The following DNAI4 variants were observed in gnomAD, a reference collection of about 807,000 sequenced individuals.
DNAI4 encodes dynein axonemal intermediate chain 4, also known as WD repeat domain 78.
Under a neutral mutation model 105.8 loss-of-function variants are expected in DNAI4, and 85 were observed. That is an observed-to-expected ratio of 0.80 (90% CI 0.67 to 0.96). DNAI4 has a LOEUF of 0.96. Ranked by LOEUF, DNAI4 falls within the 40% of genes least tolerant of loss-of-function variation. The pLI, the probability that DNAI4 is intolerant of heterozygous loss-of-function variation, is 0.00. For missense variants in DNAI4, 1,014 were observed against 1,005.6 expected (o/e 1.01, Z -0.11); for synonymous variants, 352 against 331.5 (o/e 1.06, Z -0.67).
chr1:66,822,621 C>A, intron 15 of DNAI4, 104 bp from the exon 16 acceptor site: 3 of 1,049,768 alleles, frequency 2.9e-6, no homozygotes, highest in Non-Finnish European at 3.9e-6. Context: ...GTAACAAAAA[C>A]CATAAGCCTA....
At chr1:66,870,279 T>A (rs964554839) in intron 6 of DNAI4, among the ~76,000 whole-genome samples, 3 of 150,152 alleles carry the variant, frequency 2.0e-5, no homozygotes, top group African/African-American at 7.4e-5. Context: ...CCATCTCTAC[T>A]AAAAATACAA....
At chr1:66,895,540 A>G (rs767339636) in intron 2 of DNAI4, among the ~76,000 whole-genome samples, 3 of 152,208 alleles carry the variant, frequency 2.0e-5, no homozygotes, top group Non-Finnish European at 4.4e-5. Context: ...TTCAATCCAC[A>G]AATATTCAAC....
At chr1:66,876,969 G>A (rs1275862894) in intron 4 of DNAI4, among the ~76,000 whole-genome samples, 1 of 152,148 alleles carries the variant, frequency 6.6e-6, no homozygotes, top group Non-Finnish European at 1.5e-5. Flanking sequence ...GGGTGGGTAA[G>A]TCTGTCAAAT....
intron 4 of DNAI4, among the ~76,000 whole-genome samples, chr1:66,882,179 TG>T (rs1647087977): frequency 6.6e-6 from 1 of 152,216 alleles, no homozygotes; most frequent in African/African-American, 2.4e-5. Flanking sequence ...TTTTTTTTAC[TG>T]TGAAATTTAT....
At chr1:66,826,651 T>A (rs545159618) in intron 15 of DNAI4, among the ~76,000 whole-genome samples, 169 bp downstream of exon 15, 2 of 152,174 alleles carry the variant, frequency 1.3e-5, no homozygotes, top group Non-Finnish European at 2.9e-5. Context: ...GTATAAATAA[T>A]TGACATTAAT....
intron 4 of DNAI4, among the ~76,000 whole-genome samples, chr1:66,885,992 G>A (rs539059522): frequency 4.4e-4 from 67 of 152,058 alleles, no homozygotes; most frequent in African/African-American, 1.6e-3. Context: ...CATATGTTAC[G>A]CCTTTTGATA....
At chr1:66,836,222 GAGAGAGAGAGAGAAAGAAAGAA>G (rs1646001099) in intron 10 of DNAI4, among the ~76,000 whole-genome samples, 1 of 110,028 alleles carries the variant, frequency 9.1e-6, no homozygotes, top group African/African-American at 3.5e-5. Context: ...GAGAGAGAGA[GAGAGAGAGAGAGAAAGAAAGAA>G]AGAGAGAGAG....
intron 6 of DNAI4, among the ~76,000 whole-genome samples, chr1:66,869,846 A>G (rs138663398): frequency 2.3e-3 from 349 of 152,326 alleles, no homozygotes; most frequent in African/African-American, 8.0e-3. Context: ...CTACTAGAAG[A>G]GGGAAAGCAG....
At chr1:66,884,240 A>G (rs745999565) in intron 4 of DNAI4, among the ~76,000 whole-genome samples, 53 of 152,212 alleles carry the variant, frequency 3.5e-4, no homozygotes, top group Admixed American at 1.6e-3. Context: ...GTTGATGAAC[A>G]TAAGTTGATT....
At chr1:66,879,015 A>G (rs1339682977) in intron 4 of DNAI4, among the ~76,000 whole-genome samples, 4 of 151,968 alleles carry the variant, frequency 2.6e-5, no homozygotes, top group Non-Finnish European at 5.9e-5. Context: ...GGATCCTCGT[A>G]TTTCTTAATT....
At chr1:66,906,769 C>T (rs947339539) in intron 1 of DNAI4, among the ~76,000 whole-genome samples, 3 of 150,644 alleles carry the variant, frequency 2.0e-5, no homozygotes, top group Non-Finnish European at 3.0e-5. Flanking sequence ...TAACCCCCAA[C>T]ATCTCTAAAA....
chr1:66,868,718 T>A (rs1163333413), intron 6 of DNAI4, among the ~76,000 whole-genome samples: 2 of 152,066 alleles, frequency 1.3e-5, no homozygotes, highest in Admixed American at 6.6e-5. Flanking sequence ...ATGGTACTTC[T>A]CAGCCTCCAT....
In DNAI4 at chr1:66,812,980, C is replaced by T. The variant is rs1645447659; in HGVS notation, c.*1150G>A. 2.0e-5 allele frequency: 3 copies of T among 152,252 alleles called. No homozygotes were observed. The highest frequency in any genetic ancestry group is 4.8e-5 in the African/African-American group (2 of 41,430). The allele number at this position is 152,252 out of a possible 1,614,324, so 9.4% of individuals were successfully genotyped here. A position where few individuals can be genotyped will look rare whatever the true frequency, so the allele number is the denominator to read the frequency against. On this transcript the variant is annotated 3_prime_UTR_variant, in exon 17 of 17. Transcript: ENST00000371026. ...ACAAAAACAAAGATAATCACAATGA[C>T]ATACCAGTGGAAAATTTATAATCCT...
intron 14 of DNAI4, 85 bp from the exon 15 acceptor site, chr1:66,827,131 T>A: frequency 8.4e-7 from 1 of 1,184,942 alleles, no homozygotes; most frequent in South Asian, 1.6e-5. Flanking sequence ...AATGCTAAGA[T>A]TTCTAGATTT....
chr1:66,917,693 G>A (rs1180962934), intron 1 of DNAI4, among the ~76,000 whole-genome samples: 1 of 152,156 alleles, frequency 6.6e-6, no homozygotes, highest in Non-Finnish European at 1.5e-5. Context: ...GAGCATATTT[G>A]TTTTTCACTA....
chr1:66,843,028 T>C (rs1417318768), intron 8 of DNAI4, among the ~76,000 whole-genome samples: 3 of 151,866 alleles, frequency 2.0e-5, no homozygotes, highest in Non-Finnish European at 4.4e-5. Flanking sequence ...CGAGACCTCA[T>C]CTCTACAGAA....
At chr1:66,861,834 C>A (rs1295289292) in intron 7 of DNAI4, among the ~76,000 whole-genome samples, 1 of 152,054 alleles carries the variant, frequency 6.6e-6, no homozygotes, top group Non-Finnish European at 1.5e-5. Context: ...CATCCTTTTT[C>A]TCATAAGTAA....
At chr1:66,917,448 G>C (rs936410417) in intron 1 of DNAI4, among the ~76,000 whole-genome samples, 2 of 152,158 alleles carry the variant, frequency 1.3e-5, no homozygotes, top group African/African-American at 4.8e-5. Context: ...TGCAGATTGT[G>C]ACATTAGAAT....
rs186483999 is a variant in DNAI4 at position 66,819,614 on chromosome 1, G to C, written c.2496+2747C>G. On this transcript the variant is annotated intron_variant, in intron 16 of 16. Transcript: ENST00000371026. The stretch of plus-strand genomic sequence containing the variant: ...GGGCTCATACTAGTAAGAAAAATAA[G>C]TGTACGAAATACTGCAACTTATATT... Among the ~76,000 whole-genome samples, 45 of 152,156 alleles carry C rather than the reference G, an allele frequency of 3.0e-4. No homozygotes were observed. The East Asian group carries it at 7.2e-3, about 24-fold the overall frequency.
Sources: allele counts gnomAD v4.1 joint callset (sites outside exome capture counted in the v4.1 genomes callset), GRCh38; gene constraint gnomAD v4.1.1; transcripts MANE v1.5; gene names NCBI Gene and HGNC (gene_info 2026-07-23, HGNC 2026-07-21).